The following KHDRBS2 variants were observed in gnomAD, a reference collection of about 807,000 sequenced individuals.
KHDRBS2 encodes KH RNA binding domain containing, signal transduction associated 2, also known as KH domain-containing, RNA-binding, signal transduction-associated protein 2.
In KHDRBS2, 26 loss-of-function variants were observed where a neutral mutation model predicts 44.3. The ratio of observed to expected loss-of-function variants is 0.59; its 90% CI spans 0.43 to 0.81. The LOEUF is 0.81. Ranked by LOEUF, KHDRBS2 falls within the 40% of genes least tolerant of loss-of-function variation. The probability of loss-of-function intolerance (pLI) is 0.00; values close to 1 mark genes in which losing one functional copy is unlikely to be tolerated. For missense variants in KHDRBS2, 476 were observed against 433.1 expected, an observed-to-expected ratio of 1.10 and a Z score of -0.88; for synonymous variants, 194 against 151.1, an observed-to-expected ratio of 1.28 and a Z score of -2.08.
the KHDRBS2 span, among the ~76,000 whole-genome samples, chr6:61,553,296 A>G: frequency 1.2e-3 from 175 of 152,112 alleles, 3 homozygotes; most frequent in East Asian, 0.016. Context: ...GTATAGAGGT[A>G]TTTGTAGTAG....
chr6:61,690,196 T>C (rs546707035), intron 8 of KHDRBS2, among the ~76,000 whole-genome samples: 1 of 151,894 alleles, frequency 6.6e-6, no homozygotes, highest in South Asian at 2.1e-4. Context: ...CCTGGATATA[T>C]TTTTTTTCTT....
At chr6:61,624,779 C>T in the KHDRBS2 span, among the ~76,000 whole-genome samples, 4 of 152,008 alleles carry the variant, frequency 2.6e-5, no homozygotes, top group African/African-American at 9.7e-5. Context: ...AGTCAGAGGT[C>T]TAAATAGGAA....
intron 1 of KHDRBS2, among the ~76,000 whole-genome samples, chr6:62,220,788 A>G (rs1255698883): frequency 1.3e-5 from 2 of 151,982 alleles, no homozygotes; most frequent in Non-Finnish European, 2.9e-5. Flanking sequence ...CAAGTAAGAC[A>G]AATAAAAACA....
chr6:62,155,345 G>A (rs1816121762), intron 2 of KHDRBS2, among the ~76,000 whole-genome samples: 1 of 152,196 alleles, frequency 6.6e-6, no homozygotes, highest in Non-Finnish European at 1.5e-5. Context: ...TTGAGTTTGA[G>A]CCATCTTAGA....
chr6:61,809,848 G>A (rs934151132), intron 6 of KHDRBS2, among the ~76,000 whole-genome samples: 3 of 152,134 alleles, frequency 2.0e-5, no homozygotes, highest in Non-Finnish European at 2.9e-5. Context: ...AAATTCTGGA[G>A]CACCAGTCAC....
At chr6:62,173,380 G>A (rs1820459919) in intron 2 of KHDRBS2, among the ~76,000 whole-genome samples, 1 of 151,888 alleles carries the variant, frequency 6.6e-6, no homozygotes, top group African/African-American at 2.4e-5. Flanking sequence ...TCCCAAGATA[G>A]AACAAGGGAG....
At position 62,129,836 on chromosome 6, in the gene KHDRBS2, G is replaced by C. The variant is rs570206168; in HGVS notation, c.219+47349C>G. 9.9e-5 allele frequency among the ~76,000 whole-genome samples: 15 copies of C among 151,970 alleles called. No homozygotes were observed. The East Asian group carries it at 2.5e-3, about 26-fold the overall frequency. On this transcript the variant is annotated intron_variant, in intron 2 of 8. Coordinates refer to ENST00000281156, the MANE Select transcript of KHDRBS2 (RefSeq NM_152688.4). ...CATGAGCACAGTTTTATTGGAGAATGGTATTCTAGAATTTTAAGAAAATAC... is the reference window on the plus strand; with the variant it reads ...CATGAGCACAGTTTTATTGGAGAATCGTATTCTAGAATTTTAAGAAAATAC...
At chr6:61,766,216 T>C (rs1779989762) in intron 6 of KHDRBS2, among the ~76,000 whole-genome samples, 6 of 152,028 alleles carry the variant, frequency 3.9e-5, no homozygotes, top group Admixed American at 2.6e-4. Context: ...TAGGTTTTTA[T>C]GTCCAGTAAT....
At position 61,994,749 on chromosome 6, in the gene KHDRBS2, T is replaced by C. The variant is rs1308097394; in HGVS notation, c.337-16537A>G. ...ACTGAGTAAGGATGCAAAATATTTA[T>C]TGTAAGTGCAATAAAAGAAACAAAA... On this transcript the variant is annotated intron_variant, in intron 3 of 8. Coordinates refer to ENST00000281156, the MANE Select transcript of KHDRBS2 (RefSeq NM_152688.4). 2.6e-5 allele frequency among the ~76,000 whole-genome samples: 4 copies of C among 152,154 alleles called. No homozygotes were observed. In the East Asian group the frequency reaches 5.8e-4, roughly 22 times the overall value.
chr6:61,618,832 G>A, the KHDRBS2 span, among the ~76,000 whole-genome samples: 12 of 152,120 alleles, frequency 7.9e-5, no homozygotes, highest in African/African-American at 2.9e-4. Context: ...CTTTTACAGG[G>A]CATCTGCTGA....
At chr6:62,116,083 C>A (rs1212089114) in intron 2 of KHDRBS2, among the ~76,000 whole-genome samples, 1 of 151,938 alleles carries the variant, frequency 6.6e-6, no homozygotes, top group Non-Finnish European at 1.5e-5. Context: ...AAAAAATAAG[C>A]ACTGTGCTTA....
chr6:61,753,165 C>T (rs1006276125), intron 6 of KHDRBS2, among the ~76,000 whole-genome samples: 5 of 152,116 alleles, frequency 3.3e-5, no homozygotes, highest in Non-Finnish European at 7.4e-5. Context: ...TTCTCTCTCC[C>T]TCTCATTTTC....
At chr6:61,912,414 T>C (rs1482167152) in intron 4 of KHDRBS2, among the ~76,000 whole-genome samples, 1 of 152,192 alleles carries the variant, frequency 6.6e-6, no homozygotes, top group East Asian at 1.9e-4. Context: ...GTTGAATTGT[T>C]CAGCTGGGCT....
chr6:61,959,737 A>G (rs1193510098), intron 4 of KHDRBS2, among the ~76,000 whole-genome samples: 1 of 152,186 alleles, frequency 6.6e-6, no homozygotes, highest in African/African-American at 2.4e-5. Flanking sequence ...ATGCAATACG[A>G]TATTAGATTC....
chr6:61,860,940 T>C (rs967021031), intron 6 of KHDRBS2, among the ~76,000 whole-genome samples: 1 of 152,176 alleles, frequency 6.6e-6, no homozygotes, highest in Non-Finnish European at 1.5e-5. Context: ...TATCTCATTA[T>C]GGTTTTGATT....
chr6:61,826,296 C>T (rs1790843552), intron 6 of KHDRBS2, among the ~76,000 whole-genome samples: 1 of 152,032 alleles, frequency 6.6e-6, no homozygotes, highest in Non-Finnish European at 1.5e-5. Context: ...TGGCTTTCTC[C>T]TATGTTAAGC....
intron 1 of KHDRBS2, among the ~76,000 whole-genome samples, chr6:62,216,430 A>T (rs961829453): frequency 2.0e-5 from 3 of 151,798 alleles, no homozygotes; most frequent in African/African-American, 7.2e-5. Context: ...ATGGAATCTA[A>T]AAGTTCTTAT....
intron 6 of KHDRBS2, among the ~76,000 whole-genome samples, chr6:61,831,084 A>C (rs1358349965): frequency 6.6e-6 from 1 of 152,162 alleles, no homozygotes; most frequent in Non-Finnish European, 1.5e-5. Context: ...ACTGAACATA[A>C]TAACAGGTCA....
At chr6:62,121,571 C>A (rs1337361602) in intron 2 of KHDRBS2, among the ~76,000 whole-genome samples, 2 of 152,220 alleles carry the variant, frequency 1.3e-5, no homozygotes, top group Admixed American at 6.5e-5. Context: ...TTCTCCATTC[C>A]TGTCGATAAC....
Sources: allele counts gnomAD v4.1 joint callset (sites outside exome capture counted in the v4.1 genomes callset), GRCh38; gene constraint gnomAD v4.1.1; transcripts MANE v1.5; gene names NCBI Gene and HGNC (gene_info 2026-07-23, HGNC 2026-07-21).